The following MSH4 variants were observed in gnomAD, a reference collection of about 807,000 sequenced individuals.
The protein encoded by MSH4 is mutS homolog 4.
A neutral mutation model predicts 113.7 loss-of-function variants in MSH4; 106 were observed. The observed-to-expected ratio is 0.93, with a 90% CI of 0.80 to 1.10. The LOEUF is 1.10. Among genes scored for constraint, MSH4 ranks in the 50% least tolerant of loss-of-function variants. MSH4 has a pLI of 0.00. For missense variants in MSH4, 1,061 were observed against 1,093.7 expected, an observed-to-expected ratio of 0.97 and a Z score of 0.42; for synonymous variants, 368 against 380.2, an observed-to-expected ratio of 0.97 and a Z score of 0.37.
In MSH4 at chr1:75,848,223, CT is replaced by C; in HGVS notation, c.1179del (p.Asp394IlefsTer9). 6.2e-7 allele frequency: 1 copy of C among 1,606,584 alleles called. No homozygotes were observed. Among genetic ancestry groups the C allele is most frequent in the Non-Finnish European group, 8.5e-7 (1 of 1,174,950 alleles). On this transcript the variant is annotated frameshift_variant, in exon 8 of 20. Coordinates refer to ENST00000263187, the MANE Select transcript of MSH4 (RefSeq NM_002440.4). LOFTEE classifies it high-confidence loss of function. ...GTTTGTTTCAGTTATATCAAGATTT[CT>C]TGATACAGAGCAGCTTCTTTCTGTT... ...FGLQSVISRF[L>X]DTEQLLSVLV...
intron 17 of MSH4, among the ~76,000 whole-genome samples, chr1:75,896,376 C>T (rs886707446): frequency 4.3e-5 from 5 of 115,196 alleles, no homozygotes; most frequent in African/African-American, 1.5e-4. Context: ...CACACACACA[C>T]ACACACACAC....
intron 13 of MSH4, among the ~76,000 whole-genome samples, chr1:75,880,825 A>C (rs1651914882): frequency 6.6e-6 from 1 of 151,980 alleles, no homozygotes; most frequent in African/African-American, 2.4e-5. Context: ...AGAAAGAAAA[A>C]ATGGATGAGA....
chr1:75,837,547 C>G (rs986391310), intron 7 of MSH4, among the ~76,000 whole-genome samples: 4 of 151,874 alleles, frequency 2.6e-5, no homozygotes, highest in Non-Finnish European at 5.9e-5. Context: ...CCACCACACC[C>G]GACTAATTTT....
Position 75,880,161 on chromosome 1 carries a change from C to T in MSH4, c.1781+8C>T. 3 of 1,380,072 alleles carry T rather than the reference C, an allele frequency of 2.2e-6. No homozygotes were observed. Among genetic ancestry groups the T allele is most frequent in the Non-Finnish European group, 3.0e-6 (3 of 994,468 alleles). The allele number at this position is 1,380,072 out of a possible 1,614,324, so 85.5% of individuals were successfully genotyped here. ...CTATCACATGACTTATATGTAAGAG[C>T]ATTTGAAGTATTTGAATATTGAATT... On this transcript the variant is annotated splice_region_variant and intron_variant, in intron 13 of 19. Coordinates refer to ENST00000263187, the MANE Select transcript of MSH4 (RefSeq NM_002440.4).
At chr1:75,888,620 T>G (rs777458141) in intron 15 of MSH4, among the ~76,000 whole-genome samples, 1 of 151,982 alleles carries the variant, frequency 6.6e-6, no homozygotes, top group Non-Finnish European at 1.5e-5. Flanking sequence ...TTTTTTTAAT[T>G]TATTTTATTT....
intron 1 of MSH4, among the ~76,000 whole-genome samples, chr1:75,798,954 T>A (rs920501924): frequency 2.6e-5 from 4 of 152,194 alleles, no homozygotes; most frequent in Non-Finnish European, 5.9e-5. Flanking sequence ...GCCACTTAAA[T>A]CAGTAGACCT....
intron 1 of MSH4, among the ~76,000 whole-genome samples, chr1:75,797,732 C>T (rs1239742426): frequency 6.6e-6 from 1 of 152,158 alleles, no homozygotes. Flanking sequence ...GGGAGTTCCA[C>T]ACCAGCCTGG....
intron 7 of MSH4, among the ~76,000 whole-genome samples, chr1:75,823,278 C>T (rs1033055177): frequency 2.6e-5 from 4 of 152,188 alleles, no homozygotes; most frequent in African/African-American, 9.7e-5. Flanking sequence ...ATTACATTTG[C>T]AAAGATGCAA....
intron 8 of MSH4, among the ~76,000 whole-genome samples, chr1:75,861,110 A>G (rs919693390): frequency 2.0e-5 from 3 of 152,176 alleles, no homozygotes; most frequent in Non-Finnish European, 2.9e-5. Context: ...TTTCAACTCC[A>G]TCAGGACATT....
intron 6 of MSH4, among the ~76,000 whole-genome samples, chr1:75,816,798 T>C (rs1336160792): frequency 6.6e-6 from 1 of 152,104 alleles, no homozygotes; most frequent in Non-Finnish European, 1.5e-5. Context: ...AGCTAATTTT[T>C]CTATTTTTAA....
intron 7 of MSH4, among the ~76,000 whole-genome samples, chr1:75,834,044 C>T (rs971867742): frequency 6.6e-6 from 1 of 152,004 alleles, no homozygotes; most frequent in African/African-American, 2.4e-5. Flanking sequence ...TCTGACAAAG[C>T]GCTAATATCC....
chr1:75,869,854 C>T (rs1159853465), intron 9 of MSH4, among the ~76,000 whole-genome samples: 3 of 152,192 alleles, frequency 2.0e-5, no homozygotes, highest in African/African-American at 7.2e-5. Context: ...AAAGCCCCCA[C>T]ACAGAGTCCC....
At chr1:75,858,372 T>A (rs1417236313) in intron 8 of MSH4, among the ~76,000 whole-genome samples, 1 of 152,242 alleles carries the variant, frequency 6.6e-6, no homozygotes, top group African/African-American at 2.4e-5. Context: ...TTCCAGTTTT[T>A]GCCCATTCAG....
At chr1:75,851,282 T>G (rs1272944442) in intron 8 of MSH4, among the ~76,000 whole-genome samples, 1 of 152,104 alleles carries the variant, frequency 6.6e-6, no homozygotes, top group East Asian at 1.9e-4. Context: ...CCTTCTTTTG[T>G]ATTTTTTTAT....
At chr1:75,881,458 A>G in intron 14 of MSH4, 88 bp downstream of exon 14, 2 of 1,390,320 alleles carry the variant, frequency 1.4e-6, no homozygotes, top group Non-Finnish European at 2.0e-6. Context: ...TGACATTTAA[A>G]ATTTTTAACT....
chr1:75,863,429 G>A (rs900566634), intron 8 of MSH4, among the ~76,000 whole-genome samples: 4 of 152,088 alleles, frequency 2.6e-5, no homozygotes, highest in African/African-American at 9.7e-5. Flanking sequence ...ATATAAACAT[G>A]CTATTATCGC....
chr1:75,800,538 C>T (rs927579719), intron 1 of MSH4, among the ~76,000 whole-genome samples: 1 of 151,994 alleles, frequency 6.6e-6, no homozygotes, highest in Non-Finnish European at 1.5e-5. Context: ...AAAGAAGATA[C>T]AGGCTTAAAA....
intron 7 of MSH4, 32 bp from the exon 8 acceptor site, chr1:75,848,177 T>C (rs1490812188): frequency 6.9e-7 from 1 of 1,450,610 alleles, no homozygotes; most frequent in East Asian, 2.3e-5. Flanking sequence ...TACCATAAAG[T>C]TTAAATACTC....
At chr1:75,863,108 T>C (rs922973648) in intron 8 of MSH4, among the ~76,000 whole-genome samples, 2 of 152,154 alleles carry the variant, frequency 1.3e-5, no homozygotes, top group Admixed American at 6.5e-5. Flanking sequence ...TTTGAATAAC[T>C]TTTTTTCAAA....
Sources: gnomAD v4.1 joint callset for allele counts (sites outside exome capture counted in the v4.1 genomes callset) on GRCh38, gnomAD v4.1.1 for gene constraint, MANE v1.5 for transcripts, NCBI Gene and HGNC (gene_info 2026-07-23, HGNC 2026-07-21) for gene names.